Variants in SEPTIN12 observed in about 807,000 individuals in gnomAD.
SEPTIN12 encodes septin 12, also known as septin-12.
SEPTIN12 carries 42 observed loss-of-function variants against 37.7 expected under a neutral mutation model. The observed-to-expected ratio is 1.11, with a 90% confidence interval of 0.87 to 1.44. The LOEUF (loss-of-function observed/expected upper bound fraction) is 1.44, where lower values mean the gene tolerates loss of function less well. SEPTIN12 is among the 40% of genes most tolerant of loss of function. SEPTIN12 has a pLI of 0.00. For synonymous variants in SEPTIN12, 254 were observed against 196.7 expected (o/e 1.29, Z -2.44); for missense variants, 613 against 479.2 (o/e 1.28, Z -2.61).
At chr16:4,779,652 GA>G in intron 8 of SEPTIN12, 37 bp downstream of exon 8, 1 of 1,318,386 alleles carries the variant, frequency 7.6e-7, no homozygotes, top group Non-Finnish European at 1.1e-6. Flanking sequence ...TTTCCAAACT[GA>G]CCCCACCTGC....
upstream of SEPTIN12, among the ~76,000 whole-genome samples, chr16:4,791,071 G>C (rs895393083): frequency 1.3e-5 from 2 of 152,214 alleles, no homozygotes; most frequent in African/African-American, 4.8e-5. Context: ...ACGTACCTCT[G>C]GGGATGTCCC....
intron 7 of SEPTIN12, among the ~76,000 whole-genome samples, chr16:4,781,985 C>G (rs566922537): frequency 1.3e-4 from 16 of 118,812 alleles, no homozygotes; most frequent in South Asian, 1.2e-3. Flanking sequence ...GGGTCTCACT[C>G]CCTTGCCCAG....
chr16:4,786,423 C>A lies in SEPTIN12; in HGVS notation c.167-318G>T, dbSNP rs929551479. Among the ~76,000 whole-genome samples the A allele has an allele frequency of 2.0e-5, 3 of 150,506 alleles. No homozygotes were observed. The East Asian group carries it at 5.9e-4, about 29-fold the overall frequency. On this transcript the variant is annotated intron_variant, in intron 2 of 9. Transcript: ENST00000268231. ...AGGCTGGAGCGCGATGGTGGGATCTCGGTTCACTGCAAGCTCCGCCTCCCA... is the reference window on the plus strand; with the variant it reads ...AGGCTGGAGCGCGATGGTGGGATCTAGGTTCACTGCAAGCTCCGCCTCCCA...
upstream of SEPTIN12, among the ~76,000 whole-genome samples, chr16:4,791,224 G>A (rs753586997): frequency 1.1e-4 from 16 of 152,330 alleles, no homozygotes; most frequent in African/African-American, 3.1e-4. Flanking sequence ...TGTAAGTGCC[G>A]TCAAAGGAGT....
In SEPTIN12 at chr16:4,778,041, G is replaced by C. The variant is rs139297283; in HGVS notation, c.876-43C>G. On this transcript the variant is annotated intron_variant, in intron 9 of 9. Transcript: ENST00000268231. ...GTCAGCCCCGATGGTGGTGTCCCCA[G>C]GGCCCCTCGCCAGCCCCCTAGCCCC... 8.1e-3 allele frequency: 13,038 copies of C among 1,612,864 alleles called. 96 individuals are homozygous for C. The highest frequency in any genetic ancestry group is 0.029 in the Middle Eastern group (178 of 6,062).
Position 4,779,451 on chromosome 16 carries a change from C to G in SEPTIN12, c.823+239G>C, listed in dbSNP as rs1043110539. Among the ~76,000 whole-genome samples the G allele has an allele frequency of 2.0e-5, 3 of 152,186 alleles. No homozygotes were observed. In the South Asian group the frequency reaches 6.2e-4, roughly 31 times the overall value. ...TTGTGCAAAATGGTGGTTCTCCCCG[C>G]TCCAACACCCTAGGAAGTTGATGCA... On this transcript the variant is annotated intron_variant, in intron 8 of 9. Coordinates refer to ENST00000268231, the MANE Select transcript of SEPTIN12 (RefSeq NM_144605.5).
chr16:4,785,916 G>C (rs769620550), intron 3 of SEPTIN12, 28 bp from the exon 4 acceptor site: 6 of 1,458,140 alleles, frequency 4.1e-6, no homozygotes, highest in African/African-American at 2.8e-5. Context: ...AGTCGGGAGA[G>C]ACTGGACCCA....
chr16:4,781,667 C>G (rs1477690615), intron 7 of SEPTIN12, among the ~76,000 whole-genome samples: 1 of 142,554 alleles, frequency 7.0e-6, no homozygotes, highest in Non-Finnish European at 1.5e-5. Flanking sequence ...TTTTTTGAGA[C>G]AGGGTCTCAC....
Position 4,787,634 on chromosome 16 carries a change from C to G in SEPTIN12, c.12G>C (p.Leu4=). The change falls in exon 2 of 10, where the codon CTG becomes CTC. Residue 4 remains leucine (L), a synonymous_variant. Coordinates refer to ENST00000268231, the MANE Select transcript of SEPTIN12 (RefSeq NM_144605.5). The part of the protein sequence containing the change: MDP[L]RRSPSPCLSS... Reference sequence around the variant, plus strand: ...ACAGGCAGGGAGAGGGGGAGCGCCTCAGGGGGTCCATGGGGGCCAAGGGTT... The same window carrying G: ...ACAGGCAGGGAGAGGGGGAGCGCCTGAGGGGGTCCATGGGGGCCAAGGGTT... 6.3e-7 allele frequency: 1 copy of G among 1,587,414 alleles called. No individual in the cohort carries two copies. The highest frequency in any genetic ancestry group is 8.5e-7 in the Non-Finnish European group (1 of 1,169,798).
chr16:4,787,353 T>A, intron 2 of SEPTIN12, 127 bp downstream of exon 2: 1 of 844,598 alleles, frequency 1.2e-6, no homozygotes, highest in South Asian at 1.4e-5. Flanking sequence ...AACATCCCTG[T>A]GAGGTGCTAT....
At chr16:4,787,311 A>C (rs1445773872) in intron 2 of SEPTIN12, among the ~76,000 whole-genome samples, 169 bp downstream of exon 2, 2 of 152,094 alleles carry the variant, frequency 1.3e-5, no homozygotes, top group Admixed American at 6.6e-5. Context: ...TTTGTCTTTT[A>C]ATGACTCAGC....
intron 8 of SEPTIN12, among the ~76,000 whole-genome samples, 163 bp from the exon 9 acceptor site, chr16:4,778,300 G>A (rs1022514373): frequency 3.9e-5 from 6 of 152,118 alleles, no homozygotes; most frequent in Non-Finnish European, 5.9e-5. Flanking sequence ...ACCCACTGTT[G>A]TGTTCCCAGT....
At chr16:4,780,535 C>G (rs2082361197) in intron 7 of SEPTIN12, among the ~76,000 whole-genome samples, 1 of 152,206 alleles carries the variant, frequency 6.6e-6, no homozygotes. Context: ...CATTTACTAC[C>G]TGGCCCTTTG....
At chr16:4,791,096 C>T (rs1046980020), upstream of SEPTIN12, among the ~76,000 whole-genome samples, 2 of 152,218 alleles carry the variant, frequency 1.3e-5, no homozygotes, top group South Asian at 2.1e-4. Context: ...GGAAATGCGC[C>T]TCTGTGCAGA....
upstream of SEPTIN12, among the ~76,000 whole-genome samples, chr16:4,790,685 G>A (rs886685765): frequency 1.3e-5 from 2 of 152,196 alleles, no homozygotes; most frequent in Non-Finnish European, 2.9e-5. Context: ...CTACTTGGGA[G>A]GCTGAGGCAG....
At chr16:4,791,615 C>G (rs551298572), upstream of SEPTIN12, among the ~76,000 whole-genome samples, 1 of 152,148 alleles carries the variant, frequency 6.6e-6, no homozygotes, top group Non-Finnish European at 1.5e-5. Flanking sequence ...TCTGACTCAC[C>G]GGAACCACTC....
chr16:4,783,222 A>C (rs2082391964), intron 7 of SEPTIN12: 1 of 535,732 alleles, frequency 1.9e-6, no homozygotes. Flanking sequence ...TGTTCTCTAT[A>C]TATTCAGGAT....
rs199655879 is a variant in SEPTIN12 at position 4,777,816 on chromosome 16, T to C, written c.1058A>G (p.Asp353Gly). The change falls in exon 10 of 10, where the codon GAT (aspartate) becomes GGT (glycine). Residue 353 changes from aspartate to glycine, a missense_variant. By Grantham distance (94) the Asp-to-Gly change is moderately conservative. Coordinates refer to ENST00000268231, the MANE Select transcript of SEPTIN12 (RefSeq NM_144605.5). ...TFKVCRGAHD[D>G]SDDEF ...CGGTGGTCAGAACTCATCATCAGAA[T>C]CGTCATGGGCCCCCCTGCAGACCTT... The C allele has an allele frequency of 1.3e-6, 2 of 1,568,168 alleles. No homozygotes were observed. Among genetic ancestry groups the C allele is most frequent in the African/African-American group, 1.4e-5 (1 of 74,004 alleles).
chr16:4,778,476 T>C lies in SEPTIN12; in HGVS notation c.824-339A>G, dbSNP rs147500831. Among the ~76,000 whole-genome samples the C allele has an allele frequency of 2.2e-3, 328 of 152,340 alleles. 2 individuals carry two copies. Among genetic ancestry groups the C allele is most frequent in the African/African-American group, 7.2e-3 (300 of 41,584 alleles). ...GGGTCCTGGAACCACCCTCTGCGGA[T>C]AGCATGGGTGCTATATCATAGGCAA... On this transcript the variant is annotated intron_variant, in intron 8 of 9. Transcript: ENST00000268231.
Sources: allele counts gnomAD v4.1 joint callset (sites outside exome capture counted in the v4.1 genomes callset), GRCh38; gene constraint gnomAD v4.1.1; transcripts MANE v1.5; gene names NCBI Gene and HGNC (gene_info 2026-07-23, HGNC 2026-07-21).